The following PIK3AP1 variants were observed in gnomAD, a reference collection of about 807,000 sequenced individuals.
PIK3AP1 encodes the protein phosphoinositide-3-kinase adaptor protein 1.
A neutral mutation model predicts 88.1 loss-of-function variants in PIK3AP1; 21 were observed. The ratio of observed to expected loss-of-function variants is 0.24; its 90% CI spans 0.17 to 0.34. The LOEUF is 0.34. Ranked by LOEUF, PIK3AP1 falls within the 10% of genes least tolerant of loss-of-function variation. The pLI, the probability that PIK3AP1 is intolerant of heterozygous loss-of-function variation, is 1.00. For missense variants in PIK3AP1, 828 were observed against 1,035.7 expected, an observed-to-expected ratio of 0.80 and a Z score of 2.75; for synonymous variants, 398 against 400.0, an observed-to-expected ratio of 1.00 and a Z score of 0.06.
intron 2 of PIK3AP1, among the ~76,000 whole-genome samples, chr10:96,667,939 T>C (rs1843787447): frequency 6.6e-6 from 1 of 152,232 alleles, no homozygotes; most frequent in Non-Finnish European, 1.5e-5. Context: ...TACCAATGTG[T>C]ACTTTTTATT....
At chr10:96,678,994 T>A (rs927512365) in intron 2 of PIK3AP1, among the ~76,000 whole-genome samples, 1 of 152,208 alleles carries the variant, frequency 6.6e-6, no homozygotes, top group African/African-American at 2.4e-5. Context: ...AAAAGCTTCA[T>A]CTGAGTTATC....
intron 2 of PIK3AP1, among the ~76,000 whole-genome samples, chr10:96,700,341 G>A (rs1844281196): frequency 6.6e-6 from 1 of 152,032 alleles, no homozygotes; most frequent in Admixed American, 6.5e-5. Flanking sequence ...AATTTCCATG[G>A]GCACAAAATC....
At chr10:96,596,656 C>T (rs1302623331) in intron 16 of PIK3AP1, among the ~76,000 whole-genome samples, 1 of 152,162 alleles carries the variant, frequency 6.6e-6, no homozygotes, top group African/African-American at 2.4e-5. Flanking sequence ...CTGCATCTGC[C>T]TTCCTAGAAA....
chr10:96,694,978 G>A (rs973832762), intron 2 of PIK3AP1, among the ~76,000 whole-genome samples: 1 of 152,164 alleles, frequency 6.6e-6, no homozygotes, highest in African/African-American at 2.4e-5. Context: ...GCAAAACACT[G>A]TTTTAAAGGA....
intron 2 of PIK3AP1, chr10:96,669,626 A>T (rs1339256733): frequency 6.6e-6 from 1 of 152,160 alleles, no homozygotes; most frequent in Non-Finnish European, 1.5e-5. Context: ...CGCTGTCTCT[A>T]CCAAAAATAC....
intron 8 of PIK3AP1, chr10:96,632,777 G>A (rs12220985): frequency 1.6e-5 from 22 of 1,351,958 alleles, no homozygotes; most frequent in East Asian, 9.7e-5. Context: ...CATTAGGATC[G>A]CAATGCATAG....
intron 10 of PIK3AP1, 71 bp from the exon 11 acceptor site, chr10:96,623,608 A>C: frequency 3.0e-6 from 4 of 1,343,080 alleles, no homozygotes; most frequent in South Asian, 1.2e-5. Context: ...ATAATAATGA[A>C]TCCATACCTA....
chr10:96,699,010 T>C (rs1226401069), intron 2 of PIK3AP1, among the ~76,000 whole-genome samples: 3 of 151,648 alleles, frequency 2.0e-5, no homozygotes, highest in African/African-American at 7.3e-5. Context: ...AAATCCCATC[T>C]CTACTAAAAA....
At chr10:96,611,303 G>GCCTCA (rs1489772819) in intron 13 of PIK3AP1, among the ~76,000 whole-genome samples, 5 of 152,072 alleles carry the variant, frequency 3.3e-5, no homozygotes, top group Non-Finnish European at 7.4e-5. Context: ...CACATGCTGG[G>GCCTCA]GCTCTCTTGG....
intron 2 of PIK3AP1, among the ~76,000 whole-genome samples, chr10:96,678,120 C>T (rs1045318494): frequency 3.9e-5 from 6 of 151,962 alleles, no homozygotes; most frequent in Admixed American, 2.6e-4. Context: ...TATGCCACCA[C>T]ATCCAGCTAA....
Position 96,656,887 on chromosome 10 carries a change from C to A in PIK3AP1, c.478G>T (p.Val160Phe), listed in dbSNP as rs1376560222. 3 of 1,614,098 alleles carry A rather than the reference C, an allele frequency of 1.9e-6. No homozygotes were observed. Among genetic ancestry groups the A allele is most frequent in the Non-Finnish European group, 8.5e-7 (1 of 1,180,014 alleles). Reference protein sequence around the residue: ...VTDTEPEDEKVVSYSKQQNLP... With the variant: ...VTDTEPEDEKFVSYSKQQNLP... Reference sequence around the variant, plus strand: ...TTCTGCTGCTTCGAGTAGGAAACAACCTTCTCGTCCTCAGGCTCAGTGTCA... The same window carrying A: ...TTCTGCTGCTTCGAGTAGGAAACAAACTTCTCGTCCTCAGGCTCAGTGTCA... The change falls in exon 3 of 17, where the codon GTT becomes TTT. Residue 160 changes from valine to phenylalanine, a missense_variant. Val to Phe is a conservative substitution (Grantham distance 50, BLOSUM62 -1). Coordinates refer to ENST00000339364, the MANE Select transcript of PIK3AP1 (RefSeq NM_152309.3).
rs1264938356 is a variant in PIK3AP1 at position 96,594,704 on chromosome 10, C to T, written c.*873G>A. On this transcript the variant is annotated 3_prime_UTR_variant, in exon 17 of 17. Transcript: ENST00000339364. This position sits in a 1 kb window ranked among gnomAD's most constrained non-coding sequence, Gnocchi z 4.6. ...ATCCCCAGCTTCTGGTTTCCAGCCA[C>T]TTCTAGATGTTCTCTGGAAACATAA... 6.6e-6 allele frequency: 1 copy of T among 152,204 alleles called. No individual in the cohort carries two copies. The highest frequency in any genetic ancestry group is 1.5e-5 in the Non-Finnish European group (1 of 68,048). The allele number at this position is 152,204 out of a possible 1,614,324, so 9.4% of individuals were successfully genotyped here. A position where few individuals can be genotyped will look rare whatever the true frequency, so the allele number is the denominator to read the frequency against.
intron 2 of PIK3AP1, among the ~76,000 whole-genome samples, chr10:96,687,170 A>G (rs1450047748): frequency 1.4e-5 from 2 of 139,408 alleles, no homozygotes; most frequent in African/African-American, 5.2e-5. Flanking sequence ...GCAGGAGAAT[A>G]GTGTGAACCC....
chr10:96,626,634 A>C lies in PIK3AP1; in HGVS notation c.1669+74T>G, dbSNP rs1843156928. On this transcript the variant is annotated intron_variant, in intron 10 of 16. Coordinates refer to ENST00000339364, the MANE Select transcript of PIK3AP1 (RefSeq NM_152309.3). ...ATAGTCTCTGAGCAATGGTTCAAAA[A>C]GCCAGGTCATCCAGGAAATCCCTGT... 2.7e-6 allele frequency: 4 copies of C among 1,498,616 alleles called. No homozygotes were observed. The South Asian group carries it at 3.7e-5, about 14-fold the overall frequency. 92.8% of individuals were successfully genotyped at this position (1,498,616 alleles called of 1,614,324 possible). A position where few individuals can be genotyped will look rare whatever the true frequency, so the allele number is the denominator to read the frequency against.
At chr10:96,669,026 G>A (rs1376839778) in intron 2 of PIK3AP1, among the ~76,000 whole-genome samples, 1 of 152,192 alleles carries the variant, frequency 6.6e-6, no homozygotes, top group Non-Finnish European at 1.5e-5. Context: ...CAGCTACTCA[G>A]GAGGCTGAGA....
intron 8 of PIK3AP1, among the ~76,000 whole-genome samples, chr10:96,635,945 C>T (rs979150447): frequency 4.0e-5 from 6 of 149,876 alleles, no homozygotes; most frequent in Admixed American, 1.3e-4. Context: ...CGGTGGCTCA[C>T]GCCTGTAATC....
At chr10:96,675,050 G>A (rs1187088546) in intron 2 of PIK3AP1, among the ~76,000 whole-genome samples, 10 of 152,108 alleles carry the variant, frequency 6.6e-5, no homozygotes, top group Non-Finnish European at 1.3e-4. Flanking sequence ...GTGTCACCAC[G>A]CCCAGCTAAT....
intron 13 of PIK3AP1, among the ~76,000 whole-genome samples, chr10:96,612,980 ATATTTTTTTT>A (rs1849149403): frequency 5.4e-5 from 2 of 36,972 alleles, no homozygotes; most frequent in South Asian, 2.1e-3. Flanking sequence ...ATATATATAT[ATATTTTTTTT>A]TTTTTTTTTT....
chr10:96,687,216 A>C (rs1844081494), intron 2 of PIK3AP1, among the ~76,000 whole-genome samples: 1 of 130,558 alleles, frequency 7.7e-6, no homozygotes, highest in African/African-American at 2.9e-5. Flanking sequence ...AGACAGCGCC[A>C]CCGCAGTCCG....
Sources: gnomAD v4.1 joint callset for allele counts (sites outside exome capture counted in the v4.1 genomes callset) on GRCh38, gnomAD v4.1.1 for gene constraint, Gnocchi (gnomAD v3.1) non-coding constraint, MANE v1.5 for transcripts, NCBI Gene and HGNC (gene_info 2026-07-23, HGNC 2026-07-21) for gene names.